Variants in CTNNA3 observed in about 807,000 individuals in gnomAD.
CTNNA3 encodes catenin alpha-3.
CTNNA3 carries 76 observed loss-of-function variants against 95.7 expected under a neutral mutation model. The ratio of observed to expected loss-of-function variants is 0.79; its 90% CI spans 0.66 to 0.96. The LOEUF (loss-of-function observed/expected upper bound fraction) is 0.96, where lower values mean the gene tolerates loss of function less well. CTNNA3 is among the 40% of genes least tolerant of loss of function. The probability of loss-of-function intolerance (pLI) is 0.00; values close to 1 mark genes in which losing one functional copy is unlikely to be tolerated. For synonymous variants in CTNNA3, 431 were observed against 374.4 expected (o/e 1.15, Z -1.74); for missense variants, 1,191 against 1,089.8 (o/e 1.09, Z -1.31).
chr10:65,980,064 T>C (rs10996804), intron 16 of CTNNA3, among the ~76,000 whole-genome samples: 4,976 of 151,820 alleles, frequency 0.033, 96 homozygotes, highest in Middle Eastern at 0.092. Context: ...ATAAATAAAA[T>C]CGATAGATCA....
chr10:67,733,038 T>C (rs989331619), intron 1 of CTNNA3, among the ~76,000 whole-genome samples: 1 of 152,108 alleles, frequency 6.6e-6, no homozygotes, highest in Admixed American at 6.6e-5. Flanking sequence ...ATGTGAATAG[T>C]AGCAGCTGCA....
intron 7 of CTNNA3, chr10:66,928,428 C>A (rs1201446863): frequency 6.2e-7 from 1 of 1,610,394 alleles, no homozygotes; most frequent in Non-Finnish European, 8.5e-7. Context: ...GCACCTATAA[C>A]AAATCGGGCT....
intron 5 of CTNNA3, among the ~76,000 whole-genome samples, chr10:67,333,050 G>T (rs189945149): frequency 7.2e-5 from 11 of 152,180 alleles, no homozygotes; most frequent in African/African-American, 2.4e-4. Context: ...AGATCAGAAA[G>T]AATAGTCTAC....
At chr10:67,067,062 A>G (rs2131835617) in intron 7 of CTNNA3, among the ~76,000 whole-genome samples, 1 of 152,298 alleles carries the variant, frequency 6.6e-6, no homozygotes, top group East Asian at 1.9e-4. Context: ...CTTCTGAATG[A>G]AAATGCTTTG....
At chr10:67,316,051 T>C (rs1283311777) in intron 5 of CTNNA3, among the ~76,000 whole-genome samples, 1 of 152,176 alleles carries the variant, frequency 6.6e-6, no homozygotes, top group Non-Finnish European at 1.5e-5. Flanking sequence ...GATAATGGGA[T>C]TTGTAAATCG....
intron 7 of CTNNA3, among the ~76,000 whole-genome samples, chr10:67,011,678 AT>A (rs1205335948): frequency 6.6e-6 from 1 of 152,244 alleles, no homozygotes; most frequent in East Asian, 1.9e-4. Flanking sequence ...ACGATAGCAA[AT>A]ATATAGAGTG....
At chr10:66,262,773 G>C (rs1290750268) in intron 13 of CTNNA3, among the ~76,000 whole-genome samples, 1 of 151,892 alleles carries the variant, frequency 6.6e-6, no homozygotes, top group Admixed American at 6.6e-5. Flanking sequence ...GGTATAACAA[G>C]AGTGTATTAT....
intron 12 of CTNNA3, among the ~76,000 whole-genome samples, chr10:66,295,543 T>G (rs1431589224): frequency 6.6e-6 from 1 of 152,158 alleles, no homozygotes; most frequent in Non-Finnish European, 1.5e-5. Flanking sequence ...AGGGAATACC[T>G]TCAGAGATTA....
chr10:66,115,501 G>T (rs1227551645), intron 13 of CTNNA3, among the ~76,000 whole-genome samples: 3 of 150,558 alleles, frequency 2.0e-5, no homozygotes, highest in African/African-American at 7.4e-5. Flanking sequence ...CTTCCCAATG[G>T]GGAATATAGA....
chr10:66,687,700 CAT>C (rs138007950), intron 9 of CTNNA3, among the ~76,000 whole-genome samples: 2,175 of 147,120 alleles, frequency 0.015, 49 homozygotes, highest in African/African-American at 0.049. Context: ...TGTATTGATT[CAT>C]ATATATATAT....
At chr10:67,027,930 A>G (rs1413405215) in intron 7 of CTNNA3, among the ~76,000 whole-genome samples, 1 of 152,146 alleles carries the variant, frequency 6.6e-6, no homozygotes, top group Non-Finnish European at 1.5e-5. Flanking sequence ...TTTGTATAGT[A>G]CTTTTTTGTT....
intron 7 of CTNNA3, among the ~76,000 whole-genome samples, chr10:66,989,828 A>G (rs1373408676): frequency 1.3e-5 from 2 of 152,150 alleles, no homozygotes; most frequent in Non-Finnish European, 2.9e-5. Context: ...GAGTGCTTTT[A>G]TTATCCACTA....
chr10:66,739,472 A>G (rs116673332), intron 9 of CTNNA3, among the ~76,000 whole-genome samples: 1,642 of 152,338 alleles, frequency 0.011, 36 homozygotes, highest in African/African-American at 0.038. Flanking sequence ...TTTCACAGCT[A>G]TCCCACGAGC....
chr10:66,001,891 AT>A (rs2078776703), intron 15 of CTNNA3, among the ~76,000 whole-genome samples: 1 of 152,134 alleles, frequency 6.6e-6, no homozygotes, highest in African/African-American at 2.4e-5. Flanking sequence ...TCTTGTCCAT[AT>A]ATTCTTTTAG....
At chr10:67,202,958 G>C (rs1028891263) in intron 6 of CTNNA3, among the ~76,000 whole-genome samples, 2 of 151,978 alleles carry the variant, frequency 1.3e-5, no homozygotes, top group Non-Finnish European at 2.9e-5. Context: ...ATAATTAATT[G>C]CTTATTTTAG....
chr10:66,132,172 A>AAT (rs2083135499), intron 13 of CTNNA3, among the ~76,000 whole-genome samples: 1 of 152,244 alleles, frequency 6.6e-6, no homozygotes, highest in African/African-American at 2.4e-5. Context: ...ACAAAAGTCT[A>AAT]ATAGTCAGCA....
At chr10:66,572,642 G>A (rs1327120446) in intron 10 of CTNNA3, among the ~76,000 whole-genome samples, 1 of 151,840 alleles carries the variant, frequency 6.6e-6, no homozygotes, top group Admixed American at 6.6e-5. Flanking sequence ...TTTTAACTGG[G>A]GAGGAAAAAA....
At chr10:67,386,962 C>G (rs183790495) in intron 5 of CTNNA3, among the ~76,000 whole-genome samples, 1 of 152,156 alleles carries the variant, frequency 6.6e-6, no homozygotes, top group Non-Finnish European at 1.5e-5. Flanking sequence ...TTGTTAAGAC[C>G]TCATTCCAAA....
intron 5 of CTNNA3, among the ~76,000 whole-genome samples, chr10:67,407,634 T>C (rs2132826828): frequency 6.6e-6 from 1 of 152,320 alleles, no homozygotes; most frequent in South Asian, 2.1e-4. Flanking sequence ...CTCTCTTCGT[T>C]TGCAGGTGAC....
Sources: allele counts gnomAD v4.1 joint callset (sites outside exome capture counted in the v4.1 genomes callset), GRCh38; gene constraint gnomAD v4.1.1; transcripts MANE v1.5; gene names NCBI Gene and HGNC (gene_info 2026-07-23, HGNC 2026-07-21).